NAGS: variants seen among roughly 807,000 people sequenced by gnomAD.
NAGS encodes N-acetylglutamate synthase.
Under a neutral mutation model 46.9 loss-of-function variants are expected in NAGS, and 34 were observed. The ratio of observed to expected loss-of-function variants is 0.72; its 90% confidence interval spans 0.55 to 0.97. The LOEUF (loss-of-function observed/expected upper bound fraction) is 0.97. Ranked by LOEUF, NAGS falls within the 50% of genes least tolerant of loss-of-function variation. The probability of loss-of-function intolerance (pLI) is 0.00; values close to 1 mark genes in which losing one functional copy is unlikely to be tolerated. For missense variants in NAGS, 665 were observed against 747.0 expected (o/e 0.89, Z 1.28); for synonymous variants, 334 against 346.3 (o/e 0.96, Z 0.39).
Position 44,005,562 on chromosome 17 carries a change from G to A in NAGS, c.427-75G>A. The A allele has an allele frequency of 4.5e-6, 7 of 1,557,216 alleles. No individual in the cohort carries two copies. Among genetic ancestry groups the A allele is most frequent in the Non-Finnish European group, 6.1e-6 (7 of 1,148,932 alleles). ...TCTGGAAGGGTAGGGTCACCGAGAC[G>A]GCCCTGCAGGCCAGGCTGTGGGAGC... On this transcript the variant is annotated intron_variant, in intron 1 of 6. Transcript: ENST00000293404. The surrounding 1 kb of genome is among the most constrained non-coding windows in gnomAD (Gnocchi z 7.2).
At position 44,004,726 on chromosome 17, in the gene NAGS, C is replaced by A; in HGVS notation, c.63C>A (p.Gly21=). 2.0e-6 allele frequency: 3 copies of A among 1,490,374 alleles called. No homozygotes were observed. The highest frequency in any genetic ancestry group is 2.7e-6 in the Non-Finnish European group (3 of 1,119,292). 92.3% of individuals were successfully genotyped at this position (1,490,374 alleles called of 1,614,324 possible). ...RAAAVAPRLR[G]RGGTGGARRL... ...CTGCTGTAGCCCCGAGGCTGAGAGG[C>A]CGGGGAGGCACTGGGGGCGCCCGAA... The change falls in exon 1 of 7, where the codon GGC becomes GGA. Residue 21 remains glycine, a synonymous_variant. Coordinates refer to ENST00000293404, the MANE Select transcript of NAGS (RefSeq NM_153006.3).
Position 44,004,683 on chromosome 17 carries a change from C to T in NAGS, c.20C>T (p.Ala7Val). Reference protein sequence around the residue: MATALMAVVLRAAAVAP... With the variant: MATALMVVVLRAAAVAP... ...GTCGTCATGGCGACGGCGCTGATGGCTGTGGTTCTGCGGGCAGCTGCTGTA... is the reference window on the plus strand; with the variant it reads ...GTCGTCATGGCGACGGCGCTGATGGTTGTGGTTCTGCGGGCAGCTGCTGTA... The change falls in exon 1 of 7, where the codon GCT becomes GTT. Residue 7 changes from alanine to valine, a missense_variant. Physicochemically the swap from Ala to Val is moderately conservative, Grantham distance 64 (BLOSUM62 0). Coordinates refer to ENST00000293404, the MANE Select transcript of NAGS (RefSeq NM_153006.3). The T allele has an allele frequency of 6.5e-7, 1 of 1,534,500 alleles. No homozygotes were observed. Among genetic ancestry groups the T allele is most frequent in the East Asian group, 2.5e-5 (1 of 39,288 alleles).
chr17:44,005,477 C>G lies in NAGS; in HGVS notation c.427-160C>G, dbSNP rs2049073590. Reference sequence around the variant, plus strand: ...GCGTGAGACAAGGGAGTGGCAAGACCCAACGGGGCAAAGGGCGGAGCAGGT... The same window carrying G: ...GCGTGAGACAAGGGAGTGGCAAGACGCAACGGGGCAAAGGGCGGAGCAGGT... On this transcript the variant is annotated intron_variant, in intron 1 of 6. Coordinates refer to ENST00000293404, the MANE Select transcript of NAGS (RefSeq NM_153006.3). The surrounding 1 kb of genome is among the most constrained non-coding windows in gnomAD (Gnocchi z 7.2). 6.6e-6 allele frequency among the ~76,000 whole-genome samples: 1 copy of G among 152,180 alleles called. No individual in the cohort carries two copies. The highest frequency in any genetic ancestry group is 2.4e-5 in the African/African-American group (1 of 41,448).
rs1226381686 is a variant in NAGS at position 44,006,208 on chromosome 17, A to G, written c.886A>G (p.Thr296Ala). The change falls in exon 3 of 7, where the codon ACA (threonine) becomes GCA (alanine). Residue 296 changes from threonine (T) to alanine (A), a missense_variant. Coordinates refer to ENST00000293404, the MANE Select transcript of NAGS (RefSeq NM_153006.3). The surrounding 1 kb of genome is among the most constrained non-coding windows in gnomAD (Gnocchi z 4.8). The stretch of plus-strand genomic sequence containing the variant: ...CACCAAAATCATCTTCCTCAATAAC[A>G]CAGGCGGCCTGCGCGACAGCAGTCA... ...RPTKIIFLNN[T>A]GGLRDSSHKV... is the part of the protein sequence containing the mutation. 1.9e-6 allele frequency: 3 copies of G among 1,612,612 alleles called. No homozygotes were observed. In the African/African-American group the frequency reaches 4.0e-5, roughly 22 times the overall value.
At position 44,006,805 on chromosome 17, in the gene NAGS, C is replaced by T. The variant is rs546500213; in HGVS notation, c.1096+96C>T. ...CAGGAGGAGCGGCTTCTCCTCCTGT[C>T]CAGGAGCCGTAGGGGGAGGCGGGGG... On this transcript the variant is annotated intron_variant, in intron 4 of 6. Coordinates refer to ENST00000293404, the MANE Select transcript of NAGS (RefSeq NM_153006.3). The surrounding 1 kb of genome is among the most constrained non-coding windows in gnomAD (Gnocchi z 4.8). 2 of 1,342,690 alleles carry T rather than the reference C, an allele frequency of 1.5e-6. No homozygotes were observed. The highest frequency in any genetic ancestry group is 2.4e-5 in the East Asian group (1 of 41,678). The allele number at this position is 1,342,690 out of a possible 1,614,324, so 83.2% of individuals were successfully genotyped here.
Position 44,006,574 on chromosome 17 carries a change from A to G in NAGS, c.961A>G (p.Asn321Asp). The G allele has an allele frequency of 6.3e-7, 1 of 1,581,548 alleles. No homozygotes were observed. Among genetic ancestry groups the G allele is most frequent in the Admixed American group, 1.8e-5 (1 of 55,074 alleles). The change falls in exon 4 of 7, where the codon AAC becomes GAC. Residue 321 changes from asparagine (N) to aspartate (D), a missense_variant. Transcript: ENST00000293404. The surrounding 1 kb of genome is among the most constrained non-coding windows in gnomAD (Gnocchi z 4.8). ...NLPADLDLVC[N>D]AEWVSTKERQ... ...GCCCGCCGACCTGGACCTGGTGTGCAACGCCGAGTGGGTGAGCACAAAAGA... is the reference window on the plus strand; with the variant it reads ...GCCCGCCGACCTGGACCTGGTGTGCGACGCCGAGTGGGTGAGCACAAAAGA...
At position 44,004,735 on chromosome 17, in the gene NAGS, C is replaced by G. The variant is rs749730977; in HGVS notation, c.72C>G (p.Gly24=). 6 of 1,476,976 alleles carry G rather than the reference C, an allele frequency of 4.1e-6. No homozygotes were observed. The allele number at this position is 1,476,976 out of a possible 1,614,324, so 91.5% of individuals were successfully genotyped here. A position where few individuals can be genotyped will look rare whatever the true frequency, so the allele number is the denominator to read the frequency against. ...AVAPRLRGRG[G]TGGARRLSCG... ...CCCCGAGGCTGAGAGGCCGGGGAGG[C>G]ACTGGGGGCGCCCGAAGGCTGAGCT... Residue 24 remains glycine, a synonymous_variant, in exon 1 of 7, where the codon GGC becomes GGG. Coordinates refer to ENST00000293404, the MANE Select transcript of NAGS (RefSeq NM_153006.3).
Position 44,004,910 on chromosome 17 carries a change from A to G in NAGS, c.247A>G (p.Ser83Gly). The change falls in exon 1 of 7, where the codon AGT (serine) becomes GGT (glycine). Residue 83 changes from serine to glycine, a missense_variant. Ser to Gly is a moderately conservative substitution (Grantham distance 56). Transcript: ENST00000293404. ...CGCCGAGGAGCCGTCGTGGGTGCCG[A>G]GTCCCAGGCCCCCGGTGCCCCACGA... ...PVAEEPSWVP[S>G]PRPPVPHESP... 1 of 1,534,562 alleles carries G rather than the reference A, an allele frequency of 6.5e-7. No individual in the cohort carries two copies. Among genetic ancestry groups the G allele is most frequent in the Non-Finnish European group, 8.7e-7 (1 of 1,146,308 alleles).
rs765592412 is a variant in NAGS, at chr17:44,007,400, G to T, written c.1174G>T (p.Val392Leu). The T allele has an allele frequency of 5.6e-6, 9 of 1,613,940 alleles. No homozygotes were observed. Among genetic ancestry groups the T allele is most frequent in the Non-Finnish European group, 6.8e-6 (8 of 1,180,016 alleles). ...SLDKLDQGRL[V>L]DLVNASFGKK... is the part of the protein sequence containing the mutation. The stretch of plus-strand genomic sequence containing the variant: ...GGACAAGCTGGACCAGGGCCGTCTA[G>T]TGGACCTGGTCAACGCCAGCTTCGG... Residue 392 changes from valine (V) to leucine (L), a missense_variant, in exon 5 of 7, where the codon GTG (valine) becomes TTG (leucine). By Grantham distance (32) the Val-to-Leu change is conservative. Transcript: ENST00000293404. The surrounding 1 kb of genome is among the most constrained non-coding windows in gnomAD (Gnocchi z 5.1).
chr17:44,006,290 G>C lies in NAGS; in HGVS notation c.915+53G>C. Reference sequence around the variant, plus strand: ...ACGCCGGCGATCCGGGCCTTCTCTTGCGCCCCTCGCACTTCTCCCCGACGG... The same window carrying C: ...ACGCCGGCGATCCGGGCCTTCTCTTCCGCCCCTCGCACTTCTCCCCGACGG... On this transcript the variant is annotated intron_variant, in intron 3 of 6. Transcript: ENST00000293404. This position sits in a 1 kb window ranked among gnomAD's most constrained non-coding sequence, Gnocchi z 4.8. The C allele has an allele frequency of 6.3e-7, 1 of 1,587,524 alleles. No individual in the cohort carries two copies. The highest frequency in any genetic ancestry group is 8.6e-7 in the Non-Finnish European group (1 of 1,165,582).
Position 44,006,544 on chromosome 17 carries a change from A to G in NAGS, c.931A>G (p.Asn311Asp). ...DSSHKVLSNVNLPADLDLVCN... is the reference protein window; with the variant it reads ...DSSHKVLSNVDLPADLDLVCN... ...CCGGACACAGGTCCTGAGTAACGTG[A>G]ACCTGCCCGCCGACCTGGACCTGGT... The change falls in exon 4 of 7, where the codon AAC becomes GAC. Residue 311 changes from asparagine (N) to aspartate (D), a missense_variant. By Grantham distance (23) the Asn-to-Asp change is conservative. Transcript: ENST00000293404. This position sits in a 1 kb window ranked among gnomAD's most constrained non-coding sequence, Gnocchi z 4.8. 6.4e-7 allele frequency: 1 copy of G among 1,557,316 alleles called. No individual in the cohort carries two copies. Among genetic ancestry groups the G allele is most frequent in the South Asian group, 1.2e-5 (1 of 84,954 alleles).
At position 44,005,379 on chromosome 17, in the gene NAGS, C is replaced by T. The variant is rs993215832; in HGVS notation, c.427-258C>T. 2.6e-5 allele frequency among the ~76,000 whole-genome samples: 4 copies of T among 152,206 alleles called. No individual in the cohort carries two copies. The highest frequency in any genetic ancestry group is 9.6e-5 in the African/African-American group (4 of 41,464). On this transcript the variant is annotated intron_variant, in intron 1 of 6. Transcript: ENST00000293404. The surrounding 1 kb of genome is among the most constrained non-coding windows in gnomAD (Gnocchi z 7.2). The stretch of plus-strand genomic sequence containing the variant: ...GGGTTCAGAAGGACCTGGACAGGAG[C>T]CGCTTGCACTGCCCCTCCCCCAAAG...
In NAGS at chr17:44,005,930, C is replaced by G. The variant is rs1192994064; in HGVS notation, c.701+19C>G. ...ATGCCAGGTGAGTGCCCGCCCTGCCCGCCCAGGCGTCCTCAGAGCGTGCTA... is the reference window on the plus strand; with the variant it reads ...ATGCCAGGTGAGTGCCCGCCCTGCCGGCCCAGGCGTCCTCAGAGCGTGCTA... On this transcript the variant is annotated intron_variant, in intron 2 of 6. Transcript: ENST00000293404. The surrounding 1 kb of genome is among the most constrained non-coding windows in gnomAD (Gnocchi z 7.2). 2 of 1,547,860 alleles carry G rather than the reference C, an allele frequency of 1.3e-6. No individual in the cohort carries two copies. Among genetic ancestry groups the G allele is most frequent in the Non-Finnish European group, 8.7e-7 (1 of 1,151,062 alleles).
In NAGS at chr17:44,004,677, T is replaced by C; in HGVS notation, c.14T>C (p.Leu5Pro). MATALMAVVLRAAAV... is the reference protein window; with the variant it reads MATAPMAVVLRAAAV... ...TTGGTTGTCGTCATGGCGACGGCGCTGATGGCTGTGGTTCTGCGGGCAGCT... is the reference window on the plus strand; with the variant it reads ...TTGGTTGTCGTCATGGCGACGGCGCCGATGGCTGTGGTTCTGCGGGCAGCT... Residue 5 changes from leucine to proline, a missense_variant, in exon 1 of 7, where the codon CTG becomes CCG. Transcript: ENST00000293404. 1.3e-6 allele frequency: 2 copies of C among 1,535,798 alleles called. No homozygotes were observed. Among genetic ancestry groups the C allele is most frequent in the African/African-American group, 1.4e-5 (1 of 71,050 alleles).
chr17:44,007,534 G>A lies in NAGS; in HGVS notation c.1268+40G>A. 1.2e-6 allele frequency: 2 copies of A among 1,613,336 alleles called. No individual in the cohort carries two copies. Among genetic ancestry groups the A allele is most frequent in the Non-Finnish European group, 1.7e-6 (2 of 1,179,854 alleles). Reference sequence around the variant, plus strand: ...CCCAGAGGGCGGGGTCTGGGGGGCAGTCGGGCAGCTTCGGACCAAGGAGAG... The same window carrying A: ...CCCAGAGGGCGGGGTCTGGGGGGCAATCGGGCAGCTTCGGACCAAGGAGAG... On this transcript the variant is annotated intron_variant, in intron 5 of 6. Coordinates refer to ENST00000293404, the MANE Select transcript of NAGS (RefSeq NM_153006.3). The surrounding 1 kb of genome is among the most constrained non-coding windows in gnomAD (Gnocchi z 5.1).
chr17:44,008,390 G>A (rs1256215714), intron 6 of NAGS, 58 bp from the exon 7 acceptor site: 8 of 1,588,486 alleles, frequency 5.0e-6, no homozygotes, highest in Non-Finnish European at 6.9e-6. Flanking sequence ...GAACCAGTGA[G>A]TAATGAACAC....
At chr17:44,008,318 C>T in intron 6 of NAGS, 130 bp from the exon 7 acceptor site, 1 of 1,076,096 alleles carries the variant, frequency 9.3e-7, no homozygotes, top group Non-Finnish European at 1.4e-6. Flanking sequence ...AGATAACACA[C>T]AGCAGGACCA....
chr17:44,006,714 G>A lies in NAGS; in HGVS notation c.1096+5G>A, dbSNP rs747187906. 6.9e-6 allele frequency: 11 copies of A among 1,594,416 alleles called. No individual in the cohort carries two copies. The highest frequency in any genetic ancestry group is 1.1e-5 in the South Asian group (1 of 90,042). On this transcript the variant is annotated splice_donor_5th_base_variant and intron_variant, in intron 4 of 6. Coordinates refer to ENST00000293404, the MANE Select transcript of NAGS (RefSeq NM_153006.3). The surrounding 1 kb of genome is among the most constrained non-coding windows in gnomAD (Gnocchi z 4.8). ...CTGAGCTCTTTAGCAACAAGGGTGAGGGCGGTGGGCGGGCCGGGGACTGGG... is the reference window on the plus strand; with the variant it reads ...CTGAGCTCTTTAGCAACAAGGGTGAAGGCGGTGGGCGGGCCGGGGACTGGG...
At position 44,006,496 on chromosome 17, in the gene NAGS, T is replaced by C; in HGVS notation, c.916-33T>C. ...GTAGGGGGGCAGTCCGTGCCGGCTGTGGGCCAGGCTCACCCGCTGACTCCG... is the reference window on the plus strand; with the variant it reads ...GTAGGGGGGCAGTCCGTGCCGGCTGCGGGCCAGGCTCACCCGCTGACTCCG... On this transcript the variant is annotated intron_variant, in intron 3 of 6. Transcript: ENST00000293404. This position sits in a 1 kb window ranked among gnomAD's most constrained non-coding sequence, Gnocchi z 4.8. 6.5e-7 allele frequency: 1 copy of C among 1,548,498 alleles called. No homozygotes were observed. The highest frequency in any genetic ancestry group is 8.7e-7 in the Non-Finnish European group (1 of 1,146,534).
Sources: gnomAD v4.1 joint callset for allele counts (sites outside exome capture counted in the v4.1 genomes callset) on GRCh38, gnomAD v4.1.1 for gene constraint, Gnocchi (gnomAD v3.1) non-coding constraint, MANE v1.5 for transcripts, NCBI Gene and HGNC (gene_info 2026-07-23, HGNC 2026-07-21) for gene names.